XKR4: variants seen among roughly 807,000 people sequenced by gnomAD.
XKR4 encodes XK-related protein 4.
XKR4 carries 12 observed loss-of-function variants against 53.9 expected under a neutral mutation model. That is an observed-to-expected ratio of 0.22 (90% CI 0.14 to 0.36). XKR4 has a LOEUF of 0.36. Ranked by LOEUF, XKR4 falls within the 10% of genes least tolerant of loss-of-function variation. The pLI, the probability that XKR4 is intolerant of heterozygous loss-of-function variation, is 1.00. For synonymous variants in XKR4, 354 were observed against 362.4 expected, an observed-to-expected ratio of 0.98 and a Z score of 0.26; for missense variants, 799 against 859.5, an observed-to-expected ratio of 0.93 and a Z score of 0.88.
At chr8:55,506,449 C>T (rs1806527544) in intron 2 of XKR4, among the ~76,000 whole-genome samples, 1 of 152,248 alleles carries the variant, frequency 6.6e-6, no homozygotes, top group African/African-American at 2.4e-5. Flanking sequence ...CCCCCAGCAG[C>T]AGCACTGACT....
At chr8:55,213,514 C>T (rs1817756575) in intron 1 of XKR4, among the ~76,000 whole-genome samples, 1 of 152,164 alleles carries the variant, frequency 6.6e-6, no homozygotes, top group South Asian at 2.1e-4. Flanking sequence ...TAGAATCTTG[C>T]AGTCTCTAGC....
chr8:55,403,620 G>C (rs1407092224), intron 2 of XKR4, among the ~76,000 whole-genome samples: 1 of 152,228 alleles, frequency 6.6e-6, no homozygotes, highest in African/African-American at 2.4e-5. Context: ...ACTCAAGTCT[G>C]TATTGAGCAT....
intron 1 of XKR4, among the ~76,000 whole-genome samples, chr8:55,341,512 T>C (rs1803546891): frequency 6.6e-6 from 1 of 152,176 alleles, no homozygotes; most frequent in Non-Finnish European, 1.5e-5. Context: ...CTGGATTCTC[T>C]GTGTTTCCTT....
intron 2 of XKR4, among the ~76,000 whole-genome samples, chr8:55,477,016 G>T (rs965933798): frequency 2.0e-5 from 3 of 152,144 alleles, no homozygotes; most frequent in Admixed American, 1.3e-4. Flanking sequence ...AGACAAAAAT[G>T]TCCCTGTCTG....
chr8:55,541,686 T>A lies in XKR4; in HGVS notation c.*17459T>A, dbSNP rs1807102948. 1 of 152,238 alleles carries A rather than the reference T, an allele frequency of 6.6e-6. No individual in the cohort carries two copies. Among genetic ancestry groups the A allele is most frequent in the Admixed American group, 6.5e-5 (1 of 15,274 alleles). The allele number at this position is 152,238 out of a possible 1,614,324, so 9.4% of individuals were successfully genotyped here. A position where few individuals can be genotyped will look rare whatever the true frequency, so the allele number is the denominator to read the frequency against. On this transcript the variant is annotated 3_prime_UTR_variant, in exon 3 of 3. Coordinates refer to ENST00000327381, the MANE Select transcript of XKR4 (RefSeq NM_052898.2). ...TTCTTGTGCTTTTACTTTGTAAACA[T>A]TGTACAAATGTATTTGGAATTTTAT... is the stretch of plus-strand genomic sequence containing the variant.
At chr8:55,490,602 C>CA (rs1418698602) in intron 2 of XKR4, among the ~76,000 whole-genome samples, 3 of 152,118 alleles carry the variant, frequency 2.0e-5, no homozygotes. Flanking sequence ...TTCTCACCCC[C>CA]AAAAAATATA....
At chr8:55,367,215 A>G (rs769268434) in intron 2 of XKR4, among the ~76,000 whole-genome samples, 5 of 151,820 alleles carry the variant, frequency 3.3e-5, no homozygotes, top group Non-Finnish European at 7.4e-5. Flanking sequence ...CTTTATATAA[A>G]TAGAAACATA....
intron 2 of XKR4, chr8:55,449,857 G>A (rs1805404702): frequency 9.9e-7 from 1 of 1,005,452 alleles, no homozygotes; most frequent in East Asian, 2.4e-5. Context: ...CAGCTGTCTG[G>A]AACTGGCTGT....
chr8:55,241,626 T>A (rs1462792190), intron 1 of XKR4, among the ~76,000 whole-genome samples: 3 of 152,184 alleles, frequency 2.0e-5, no homozygotes, highest in Non-Finnish European at 4.4e-5. Context: ...CATACCTTTT[T>A]CTTTCCAAAT....
At chr8:55,410,462 A>G (rs1373099011) in intron 2 of XKR4, among the ~76,000 whole-genome samples, 2 of 152,174 alleles carry the variant, frequency 1.3e-5, no homozygotes, top group South Asian at 4.1e-4. Context: ...TATAATCCTC[A>G]GCTCCAAAGC....
rs1816055934 is a variant in XKR4 at position 55,102,389 on chromosome 8, C to G, written c.-100C>G. On this transcript the variant is annotated 5_prime_UTR_variant, in exon 1 of 3. Coordinates refer to ENST00000327381, the MANE Select transcript of XKR4 (RefSeq NM_052898.2). The surrounding 1 kb of genome is among the most constrained non-coding windows in gnomAD (Gnocchi z 5.1). ...GCAGGAGGAGGGGGAGCCGCACCGC[C>G]TGGGAGGGAAGCCGGGGCGAGGCGA... 6 of 1,387,272 alleles carry G rather than the reference C, an allele frequency of 4.3e-6. No homozygotes were observed. In the Admixed American group the frequency reaches 1.5e-4, roughly 34 times the overall value. The allele number at this position is 1,387,272 out of a possible 1,614,324, so 85.9% of individuals were successfully genotyped here. A position where few individuals can be genotyped will look rare whatever the true frequency, so the allele number is the denominator to read the frequency against.
chr8:55,514,835 C>T (rs1345057596), intron 2 of XKR4, among the ~76,000 whole-genome samples: 2 of 152,076 alleles, frequency 1.3e-5, no homozygotes, highest in African/African-American at 4.8e-5. Flanking sequence ...TAGTACTGAA[C>T]AAAGAAGAGG....
intron 1 of XKR4, among the ~76,000 whole-genome samples, chr8:55,108,519 G>A (rs1326990634): frequency 1.3e-5 from 2 of 152,078 alleles, no homozygotes; most frequent in Admixed American, 1.3e-4. Context: ...GGATGTCATT[G>A]GGACATATAA....
rs116245598 is a variant in XKR4 at position 55,341,270 on chromosome 8, G to A, written c.807-16408G>A. ...CCCACTGGGACTCCTCTGTGAGGCA[G>A]TGGTCAGAACCCTTCAGAATTACAT... is the stretch of plus-strand genomic sequence containing the variant. On this transcript the variant is annotated intron_variant, in intron 1 of 2. Transcript: ENST00000327381. Among the ~76,000 whole-genome samples the A allele has an allele frequency of 2.6e-3, 393 of 152,262 alleles. 2 individuals carry two copies. The highest frequency in any genetic ancestry group is 9.0e-3 in the African/African-American group (375 of 41,542).
chr8:55,523,203 C>A (rs1189531760), intron 2 of XKR4, 78 bp from the exon 3 acceptor site: 28 of 1,319,800 alleles, frequency 2.1e-5, no homozygotes, highest in Non-Finnish European at 2.4e-5. Context: ...CTTCCCCAAG[C>A]CCCCAGCTCT....
intron 1 of XKR4, among the ~76,000 whole-genome samples, chr8:55,171,968 T>A (rs931474615): frequency 4.6e-5 from 7 of 152,096 alleles, no homozygotes; most frequent in African/African-American, 1.4e-4. Flanking sequence ...TCATTAAAAT[T>A]CTTCCCTGGC....
At chr8:55,480,824 A>G (rs1806089856) in intron 2 of XKR4, among the ~76,000 whole-genome samples, 1 of 150,272 alleles carries the variant, frequency 6.7e-6, no homozygotes, top group African/African-American at 2.5e-5. Flanking sequence ...TAAAATACCT[A>G]GGAATCCAAC....
At chr8:55,154,301 T>C (rs1816877499) in intron 1 of XKR4, among the ~76,000 whole-genome samples, 1 of 152,210 alleles carries the variant, frequency 6.6e-6, no homozygotes, top group Non-Finnish European at 1.5e-5. Flanking sequence ...TGAGCCTCTA[T>C]ACAAATAAAA....
At chr8:55,499,204 C>A (rs531513457) in intron 2 of XKR4, among the ~76,000 whole-genome samples, 27 of 152,198 alleles carry the variant, frequency 1.8e-4, no homozygotes, top group African/African-American at 6.0e-4. Flanking sequence ...AATATGAAAC[C>A]CACAGGCTAT....
Sources: gnomAD v4.1 joint callset for allele counts (sites outside exome capture counted in the v4.1 genomes callset) on GRCh38, gnomAD v4.1.1 for gene constraint, Gnocchi (gnomAD v3.1) non-coding constraint, MANE v1.5 for transcripts, NCBI Gene and HGNC (gene_info 2026-07-23, HGNC 2026-07-21) for gene names.